MMP11: variants seen among roughly 807,000 people sequenced by gnomAD.
MMP11 encodes the protein stromelysin-3.
Under a neutral mutation model 49.5 loss-of-function variants are expected in MMP11, and 26 were observed. The observed-to-expected ratio is 0.52, with a 90% confidence interval of 0.38 to 0.73. The LOEUF is 0.73. Ranked by LOEUF, MMP11 falls within the 30% of genes least tolerant of loss-of-function variation. The probability of loss-of-function intolerance (pLI) is 0.00; values close to 1 mark genes in which losing one functional copy is unlikely to be tolerated. For missense variants in MMP11, 624 were observed against 671.2 expected (o/e 0.93, Z 0.78); for synonymous variants, 265 against 282.3 (o/e 0.94, Z 0.62).
At chr22:23,781,498 G>A (rs894020726) in intron 6 of MMP11, 89 bp downstream of exon 6, 16 of 1,244,680 alleles carry the variant, frequency 1.3e-5, no homozygotes, top group Middle Eastern at 2.1e-4. Context: ...GGATCCTTAG[G>A]GACACAGTGG....
rs1927277951 is a variant in MMP11, at chr22:23,772,868, C to T, written c.-3C>T. 2 of 1,152,238 alleles carry T rather than the reference C, an allele frequency of 1.7e-6. No individual in the cohort carries two copies. 71.4% of individuals were successfully genotyped at this position (1,152,238 alleles called of 1,614,324 possible). On this transcript the variant is annotated 5_prime_UTR_variant, in exon 1 of 8. Transcript: ENST00000215743. ...CCCAGCAAGCCCAGCAGCCCCGGGGCGGATGGCTCCGGCCGCCTGGCTCCG... is the reference window on the plus strand; with the variant it reads ...CCCAGCAAGCCCAGCAGCCCCGGGGTGGATGGCTCCGGCCGCCTGGCTCCG...
intron 1 of MMP11, 55 bp downstream of exon 1, chr22:23,773,033 G>T: frequency 8.7e-7 from 1 of 1,145,532 alleles, no homozygotes; most frequent in South Asian, 4.0e-5. Context: ...CGGGCACGCG[G>T]GCTGGGCCCA....
At chr22:23,782,111 T>G in intron 6 of MMP11, 115 bp from the exon 7 acceptor site, 1 of 1,468,546 alleles carries the variant, frequency 6.8e-7, no homozygotes, top group Non-Finnish European at 9.2e-7. Flanking sequence ...CTGCATGTTT[T>G]ACTGATGAGG....
Position 23,780,335 on chromosome 22 carries a change from C to T in MMP11, c.339-24C>T. On this transcript the variant is annotated intron_variant, in intron 2 of 7. Transcript: ENST00000215743. The surrounding 1 kb of genome is among the most constrained non-coding windows in gnomAD (Gnocchi z 4.6). The stretch of plus-strand genomic sequence containing the variant: ...TCGGGGGCTGTCCCTTCCCTGAGGC[C>T]CAGGCCCCTCCATCTCCCTCCAGGA... 1.2e-6 allele frequency: 2 copies of T among 1,612,094 alleles called. No individual in the cohort carries two copies. Among genetic ancestry groups the T allele is most frequent in the African/African-American group, 1.3e-5 (1 of 74,988 alleles).
In MMP11 at chr22:23,782,389, C is replaced by T. The variant is rs746835734; in HGVS notation, c.1239C>T (p.Pro413=). 3.3e-5 allele frequency: 54 copies of T among 1,613,844 alleles called. No individual in the cohort carries two copies. Among genetic ancestry groups the T allele is most frequent in the Non-Finnish European group, 4.3e-5 (51 of 1,180,028 alleles). ...FRGRDYWRFH[P]STRRVDSPVP... ...GCAGGGACTACTGGCGTTTCCACCCCAGCACCCGGCGTGTAGACAGTCCCG... is the reference window on the plus strand; with the variant it reads ...GCAGGGACTACTGGCGTTTCCACCCTAGCACCCGGCGTGTAGACAGTCCCG... The change falls in exon 7 of 8, where the codon CCC becomes CCT. Residue 413 remains proline (P), a synonymous_variant. Coordinates refer to ENST00000215743, the MANE Select transcript of MMP11 (RefSeq NM_005940.5).
chr22:23,783,113 G>T (rs1927702538), intron 7 of MMP11, among the ~76,000 whole-genome samples: 1 of 152,200 alleles, frequency 6.6e-6, no homozygotes, highest in African/African-American at 2.4e-5. Flanking sequence ...GATGTGGAGG[G>T]TGGTGGGGGC....
At position 23,780,574 on chromosome 22, in the gene MMP11, A is replaced by C. The variant is rs1396786074; in HGVS notation, c.483-8A>C. On this transcript the variant is annotated splice_region_variant and splice_polypyrimidine_tract_variant and intron_variant, in intron 3 of 7. Transcript: ENST00000215743. This position sits in a 1 kb window ranked among gnomAD's most constrained non-coding sequence, Gnocchi z 4.6. ...GCAGCCACTGACCCCGCCCCCACCC[A>C]TCTGTAGGTACTGGCATGGGGACGA... is the stretch of plus-strand genomic sequence containing the variant. 6.2e-7 allele frequency: 1 copy of C among 1,608,720 alleles called. No individual in the cohort carries two copies. Among genetic ancestry groups the C allele is most frequent in the East Asian group, 2.2e-5 (1 of 44,792 alleles).
chr22:23,774,370 C>T (rs1460806811), intron 1 of MMP11, among the ~76,000 whole-genome samples: 1 of 152,186 alleles, frequency 6.6e-6, no homozygotes. Context: ...GGACTGTGGT[C>T]TGTCACTCTG....
intron 1 of MMP11, among the ~76,000 whole-genome samples, chr22:23,774,427 C>T (rs1481152664): frequency 2.6e-5 from 4 of 152,154 alleles, no homozygotes; most frequent in African/African-American, 9.7e-5. Flanking sequence ...TGTTTATCCC[C>T]CGGCTGCCTT....
In MMP11 at chr22:23,781,336, C is replaced by A. The variant is rs755045582; in HGVS notation, c.1002C>A (p.Arg334=). 1 of 1,613,508 alleles carries A rather than the reference C, an allele frequency of 6.2e-7. No individual in the cohort carries two copies. The change falls in exon 6 of 8, where the codon CGC becomes CGA. Residue 334 remains arginine, a synonymous_variant. Transcript: ENST00000215743. ...CCGGCTACCCAGCATTGGCCTCTCG[C>A]CACTGGCAGGGACTGCCCAGCCCTG... The part of the protein sequence containing the change: ...LQPGYPALAS[R]HWQGLPSPVD...
intron 6 of MMP11, chr22:23,781,879 C>T (rs200565586): frequency 1.6e-6 from 1 of 627,426 alleles, no homozygotes; most frequent in Non-Finnish European, 3.0e-6. Context: ...GCATGGGAAA[C>T]CTGCGTGGGT....
In MMP11 at chr22:23,780,999, G is replaced by A. The variant is rs201162696; in HGVS notation, c.757G>A (p.Val253Ile). 183 of 1,613,184 alleles carry A rather than the reference G, an allele frequency of 1.1e-4. No homozygotes were observed. The highest frequency in any genetic ancestry group is 1.4e-4 in the Non-Finnish European group (163 of 1,180,028). ...TCTCAGCCCAGATGACTGCAGGGGC[G>A]TTCAACACCTATATGGCCAGCCCTG... Reference protein sequence around the residue: ...LSLSPDDCRGVQHLYGQPWPT... With the variant: ...LSLSPDDCRGIQHLYGQPWPT... Residue 253 changes from valine to isoleucine, a missense_variant, in exon 5 of 8, where the codon GTT becomes ATT. Coordinates refer to ENST00000215743, the MANE Select transcript of MMP11 (RefSeq NM_005940.5). The surrounding 1 kb of genome is among the most constrained non-coding windows in gnomAD (Gnocchi z 4.6).
chr22:23,777,993 G>T (rs992872542), intron 1 of MMP11, among the ~76,000 whole-genome samples: 2 of 152,246 alleles, frequency 1.3e-5, no homozygotes, highest in Admixed American at 1.3e-4. Flanking sequence ...GGTGTATGGA[G>T]CCTGGGAGAG....
At chr22:23,773,248 C>T (rs1028443595) in intron 1 of MMP11, among the ~76,000 whole-genome samples, 5 of 152,188 alleles carry the variant, frequency 3.3e-5, no homozygotes, top group African/African-American at 9.6e-5. Flanking sequence ...GGACCTGCCT[C>T]TCGCGCTCCA....
intron 1 of MMP11, among the ~76,000 whole-genome samples, chr22:23,774,931 G>T (rs935777397): frequency 6.6e-6 from 1 of 152,190 alleles, no homozygotes; most frequent in South Asian, 2.1e-4. Context: ...GAGTCTCTAA[G>T]CTCTGCCAGG....
In MMP11 at chr22:23,780,501, A is replaced by G; in HGVS notation, c.481A>G (p.Arg161Gly). The change falls in exon 3 of 8, where the codon AGG (arginine) becomes GGG (glycine). Residue 161 changes from arginine to glycine, a missense_variant and splice_region_variant. Physicochemically the swap from Arg to Gly is moderately radical, Grantham distance 125. Transcript: ENST00000215743. This position sits in a 1 kb window ranked among gnomAD's most constrained non-coding sequence, Gnocchi z 4.6. The stretch of plus-strand genomic sequence containing the variant: ...TGCTGACATCATGATCGACTTCGCC[A>G]GGTGAATGGGCGGCCTGGGACCCCT... Reference protein sequence around the residue: ...GRADIMIDFARYWHGDDLPFD... With the variant: ...GRADIMIDFAGYWHGDDLPFD... 6.2e-7 allele frequency: 1 copy of G among 1,613,864 alleles called. No homozygotes were observed. Among genetic ancestry groups the G allele is most frequent in the East Asian group, 2.2e-5 (1 of 44,862 alleles).
chr22:23,781,272 C>T lies in MMP11; in HGVS notation c.938C>T (p.Ala313Val), dbSNP rs370777536. Residue 313 changes from alanine to valine, a missense_variant, in exon 6 of 8, where the codon GCG (alanine) becomes GTG (valine). Ala to Val is a moderately conservative substitution (Grantham distance 64). Transcript: ENST00000215743. ...TIRGELFFFK[A>V]GFVWRLRGGQ... ...CGAGGCGAGCTCTTTTTCTTCAAAG[C>T]GGGCTTTGTGTGGCGCCTCCGTGGG... is the stretch of plus-strand genomic sequence containing the variant. The T allele has an allele frequency of 2.3e-5, 37 of 1,611,914 alleles. No homozygotes were observed. Among genetic ancestry groups the T allele is most frequent in the African/African-American group, 5.3e-5 (4 of 74,932 alleles).
chr22:23,775,014 G>A (rs893070343), intron 1 of MMP11, among the ~76,000 whole-genome samples: 1 of 152,200 alleles, frequency 6.6e-6, no homozygotes, highest in Non-Finnish European at 1.5e-5. Flanking sequence ...AGAGGGTGGG[G>A]CTGAGTGAGC....
At chr22:23,782,754 A>G in intron 7 of MMP11, 1 of 550,300 alleles carries the variant, frequency 1.8e-6, no homozygotes, top group Non-Finnish European at 3.2e-6. Context: ...ACTGAGGGCC[A>G]ACAATGCTCT....
Sources: allele counts gnomAD v4.1 joint callset (sites outside exome capture counted in the v4.1 genomes callset), GRCh38; gene constraint gnomAD v4.1.1; non-coding constraint Gnocchi (gnomAD v3.1); transcripts MANE v1.5; gene names NCBI Gene and HGNC (gene_info 2026-07-23, HGNC 2026-07-21).